KCNJ9: variants seen among roughly 807,000 people sequenced by gnomAD.
The protein encoded by KCNJ9 is G protein-activated inward rectifier potassium channel 3.
In KCNJ9, 18 loss-of-function variants were observed where a neutral mutation model predicts 27.9. The ratio of observed to expected loss-of-function variants is 0.65; its 90% confidence interval spans 0.45 to 0.96. KCNJ9 has a LOEUF of 0.96. Ranked by LOEUF, KCNJ9 falls within the 40% of genes least tolerant of loss-of-function variation. KCNJ9 has a pLI of 0.00. For missense variants in KCNJ9, 324 were observed against 557.5 expected (o/e 0.58, Z 4.22); for synonymous variants, 229 against 248.2 (o/e 0.92, Z 0.73).
rs1649881958 is a variant in KCNJ9 at position 160,090,484 on chromosome 1, A to G, written c.*2667A>G. 6.6e-6 allele frequency: 1 copy of G among 152,376 alleles called. No individual in the cohort carries two copies. Among genetic ancestry groups the G allele is most frequent in the South Asian group, 2.1e-4 (1 of 4,824 alleles). The allele number at this position is 152,376 out of a possible 1,614,324, so 9.4% of individuals were successfully genotyped here. The stretch of plus-strand genomic sequence containing the variant: ...AGCTCTATGACTCTGGGCAAATCGC[A>G]TATCTGGGCCTCAGTTTCCTCATCT... On this transcript the variant is annotated 3_prime_UTR_variant, in exon 3 of 3. Transcript: ENST00000368088.
rs1557980474 is a variant in KCNJ9 at position 160,084,195 on chromosome 1, G to A, written c.165G>A (p.Leu55=). 6.2e-7 allele frequency: 1 copy of A among 1,611,306 alleles called. No individual in the cohort carries two copies. Among genetic ancestry groups the A allele is most frequent in the Non-Finnish European group, 8.5e-7 (1 of 1,178,906 alleles). Reference sequence around the variant, plus strand: ...ACCTGTTCACCACGCTGGTGGACCTGCAGTGGCGCCTCAGCCTGTTGTTCT... The same window carrying A: ...ACCTGTTCACCACGCTGGTGGACCTACAGTGGCGCCTCAGCCTGTTGTTCT... ...LTDLFTTLVD[L]QWRLSLLFFV... The change falls in exon 2 of 3, where the codon CTG becomes CTA. Residue 55 remains leucine, a synonymous_variant. Coordinates refer to ENST00000368088, the MANE Select transcript of KCNJ9 (RefSeq NM_004983.3).
At position 160,089,094 on chromosome 1, in the gene KCNJ9, C is replaced by T. The variant is rs1347121819; in HGVS notation, c.*1277C>T. On this transcript the variant is annotated 3_prime_UTR_variant, in exon 3 of 3. Coordinates refer to ENST00000368088, the MANE Select transcript of KCNJ9 (RefSeq NM_004983.3). ...CCAAAACCATGCATTCCTAAGAAGTCCCCAGGTCATGCTGCTGTTGCTGGA... is the reference window on the plus strand; with the variant it reads ...CCAAAACCATGCATTCCTAAGAAGTTCCCAGGTCATGCTGCTGTTGCTGGA... 6.6e-6 allele frequency: 1 copy of T among 152,210 alleles called. No homozygotes were observed. The highest frequency in any genetic ancestry group is 1.5e-5 in the Non-Finnish European group (1 of 68,052). The allele number at this position is 152,210 out of a possible 1,614,324, so 9.4% of individuals were successfully genotyped here.
At chr1:160,087,395 A>G (rs1275665414) in intron 2 of KCNJ9, 91 bp from the exon 3 acceptor site, 29 of 1,455,742 alleles carry the variant, frequency 2.0e-5, no homozygotes, top group Non-Finnish European at 2.5e-5. Flanking sequence ...AAGGAATAGA[A>G]GGGAGGGTGC....
chr1:160,084,906 C>T (rs968284152), intron 2 of KCNJ9, 26 bp downstream of exon 2: 35 of 772,114 alleles, frequency 4.5e-5, no homozygotes, highest in Non-Finnish European at 6.7e-5. Flanking sequence ...GGGAGGGGAG[C>T]GGGGTTGGCA....
At position 160,084,024 on chromosome 1, in the gene KCNJ9, G is replaced by A. The variant is rs1157182422; in HGVS notation, c.-7G>A. The A allele has an allele frequency of 5.1e-6, 7 of 1,382,534 alleles. No individual in the cohort carries two copies. Among genetic ancestry groups the A allele is most frequent in the Non-Finnish European group, 6.5e-6 (7 of 1,073,400 alleles). The allele number at this position is 1,382,534 out of a possible 1,614,324, so 85.6% of individuals were successfully genotyped here. On this transcript the variant is annotated 5_prime_UTR_variant, in exon 2 of 3. Coordinates refer to ENST00000368088, the MANE Select transcript of KCNJ9 (RefSeq NM_004983.3). ...GCGCCCGCAGCGCTCGCCCTGACGC[G>A]GCCGCCATGGCGCAGGAGAACGCGG...
chr1:160,083,826 GCCCAGGGCCC>G (rs1020074648), intron 1 of KCNJ9, 81 bp from the exon 2 acceptor site: 1 of 329,038 alleles, frequency 3.0e-6, no homozygotes, highest in East Asian at 5.3e-5. Context: ...GAAGGGACTC[GCCCAGGGCCC>G]CCCAGGGCTC....
chr1:160,090,134 G>T lies in KCNJ9; in HGVS notation c.*2317G>T, dbSNP rs1475454642. On this transcript the variant is annotated 3_prime_UTR_variant, in exon 3 of 3. Coordinates refer to ENST00000368088, the MANE Select transcript of KCNJ9 (RefSeq NM_004983.3). ...GGGCCACTGGGGCCCTGTCATCAAAGATGAGATTCCTGAAGCCTGGCATTG... is the reference window on the plus strand; with the variant it reads ...GGGCCACTGGGGCCCTGTCATCAAATATGAGATTCCTGAAGCCTGGCATTG... 6.6e-6 allele frequency: 1 copy of T among 152,214 alleles called. No individual in the cohort carries two copies. The highest frequency in any genetic ancestry group is 2.4e-5 in the African/African-American group (1 of 41,444). 9.4% of individuals were successfully genotyped at this position (152,214 alleles called of 1,614,324 possible). A position where few individuals can be genotyped will look rare whatever the true frequency, so the allele number is the denominator to read the frequency against.
At chr1:160,086,296 T>C (rs1010467060) in intron 2 of KCNJ9, among the ~76,000 whole-genome samples, 2 of 152,166 alleles carry the variant, frequency 1.3e-5, no homozygotes, top group Admixed American at 1.3e-4. Flanking sequence ...GAGATGGATA[T>C]GGGTTGGGGG....
chr1:160,087,785 C>G lies in KCNJ9; in HGVS notation c.1150C>G (p.Leu384Val). Residue 384 changes from leucine (L) to valine (V), a missense_variant, in exon 3 of 3, where the codon CTG becomes GTG. Leu to Val is a conservative substitution (Grantham distance 32). Coordinates refer to ENST00000368088, the MANE Select transcript of KCNJ9 (RefSeq NM_004983.3). Reference protein sequence around the residue: ...AGADKEQNGCLPPPESESKV With the variant: ...AGADKEQNGCVPPPESESKV ...GGCTGACAAGGAGCAGAATGGCTGC[C>G]TGCCACCCCCAGAGAGTGAGTCCAA... 1 of 1,509,934 alleles carries G rather than the reference C, an allele frequency of 6.6e-7. No homozygotes were observed. Among genetic ancestry groups the G allele is most frequent in the South Asian group, 1.3e-5 (1 of 75,972 alleles). 93.5% of individuals were successfully genotyped at this position (1,509,934 alleles called of 1,614,324 possible).
chr1:160,084,899 AG>A lies in KCNJ9; in HGVS notation c.850+23del. ...GCCACGGGTGCGAGCAGGCCTGGGG[AG>A]GGGAGCGGGGTTGGCAGAGGGTGGG... On this transcript the variant is annotated intron_variant, in intron 2 of 2. Transcript: ENST00000368088. 1.0e-6 allele frequency: 1 copy of A among 1,004,914 alleles called. No homozygotes were observed. The highest frequency in any genetic ancestry group is 1.4e-6 in the Non-Finnish European group (1 of 727,830). 62.2% of individuals were successfully genotyped at this position (1,004,914 alleles called of 1,614,324 possible).
intron 2 of KCNJ9, among the ~76,000 whole-genome samples, chr1:160,085,679 G>A (rs1468347481): frequency 6.6e-6 from 1 of 152,198 alleles, no homozygotes; most frequent in Non-Finnish European, 1.5e-5. Flanking sequence ...AAGGCTTTGG[G>A]AGCAGGTGAA....
At chr1:160,086,196 G>A (rs1016182586) in intron 2 of KCNJ9, among the ~76,000 whole-genome samples, 2 of 152,082 alleles carry the variant, frequency 1.3e-5, no homozygotes, top group East Asian at 1.9e-4. Context: ...CAACTTCACC[G>A]AGGAATACCA....
At chr1:160,082,573 G>A (rs936593509) in intron 1 of KCNJ9, among the ~76,000 whole-genome samples, 1 of 152,158 alleles carries the variant, frequency 6.6e-6, no homozygotes, top group African/African-American at 2.4e-5. Flanking sequence ...TAAGATGCTG[G>A]AGTGCTAGGT....
chr1:160,084,922 TG>T, intron 2 of KCNJ9, 42 bp downstream of exon 2: 1 of 700,812 alleles, frequency 1.4e-6, no homozygotes. Context: ...TGGCAGAGGG[TG>T]GGCGGGACCG....
In KCNJ9 at chr1:160,087,588, A is replaced by G; in HGVS notation, c.953A>G (p.Asp318Gly). The change falls in exon 3 of 3, where the codon GAC (aspartate) becomes GGC (glycine). Residue 318 changes from aspartate (D) to glycine (G), a missense_variant. Physicochemically the swap from Asp to Gly is moderately conservative, Grantham distance 94 (BLOSUM62 -1). Around this residue, in one of 3 missense-constraint regions of KCNJ9, gnomAD observed 241 missense variants for 481.7 expected, o/e 0.50. Transcript: ENST00000368088. The stretch of plus-strand genomic sequence containing the variant: ...CTGGAGGACGGCTTCTACGAAGTGG[A>G]CTATGCCAGCTTTCACGAGACTTTT... ...LTLEDGFYEV[D>G]YASFHETFEV... 1 of 1,613,864 alleles carries G rather than the reference A, an allele frequency of 6.2e-7. No individual in the cohort carries two copies. Among genetic ancestry groups the G allele is most frequent in the Non-Finnish European group, 8.5e-7 (1 of 1,179,908 alleles).
chr1:160,084,991 T>C lies in KCNJ9; in HGVS notation c.850+111T>C, dbSNP rs536082041. The stretch of plus-strand genomic sequence containing the variant: ...AGCTGGGGAGGATGGATGGAGGGGC[T>C]GGTGGAGGATGAGACAGTGAGGTGA... On this transcript the variant is annotated intron_variant, in intron 2 of 2. Transcript: ENST00000368088. 5.8e-5 allele frequency: 71 copies of C among 1,217,376 alleles called. 1 individual carries two copies. In the African/African-American group the frequency reaches 8.1e-4, roughly 14 times the overall value. The allele number at this position is 1,217,376 out of a possible 1,614,324, so 75.4% of individuals were successfully genotyped here.
In KCNJ9 at chr1:160,084,434, G is replaced by T. The variant is rs1487575321; in HGVS notation, c.404G>T (p.Gly135Val). 6.2e-7 allele frequency: 1 copy of T among 1,613,606 alleles called. No individual in the cohort carries two copies. The highest frequency in any genetic ancestry group is 2.2e-5 in the East Asian group (1 of 44,872). Reference protein sequence around the residue: ...HRVITDQCPEGIVLLLLQAIL... With the variant: ...HRVITDQCPEVIVLLLLQAIL... Reference sequence around the variant, plus strand: ...GTCATCACCGACCAGTGCCCCGAGGGCATCGTGCTGCTGCTGCTGCAGGCC... The same window carrying T: ...GTCATCACCGACCAGTGCCCCGAGGTCATCGTGCTGCTGCTGCTGCAGGCC... Residue 135 changes from glycine (G) to valine (V), a missense_variant, in exon 2 of 3, where the codon GGC (glycine) becomes GTC (valine). This residue lies in a region of KCNJ9 where 241 missense variants were observed against 481.7 expected (regional missense o/e 0.50). Coordinates refer to ENST00000368088, the MANE Select transcript of KCNJ9 (RefSeq NM_004983.3).
At position 160,084,569 on chromosome 1, in the gene KCNJ9, CG is replaced by C; in HGVS notation, c.540del (p.Leu181CysfsTer20). 1 of 1,610,866 alleles carries C rather than the reference CG, an allele frequency of 6.2e-7. No homozygotes were observed. The highest frequency in any genetic ancestry group is 1.7e-5 in the Admixed American group (1 of 59,786). ...GTCTTCTCCTCGCACGCCGTGGTGTCGCTGCGCGACGGGCGCCTCTGCCTCA... is the reference window on the plus strand; with the variant it reads ...GTCTTCTCCTCGCACGCCGTGGTGTCCTGCGCGACGGGCGCCTCTGCCTCA... ...TLVFSSHAVV[S>X]LRDGRLCLMF... On this transcript the variant is annotated frameshift_variant, in exon 2 of 3. Coordinates refer to ENST00000368088, the MANE Select transcript of KCNJ9 (RefSeq NM_004983.3). LOFTEE classifies it high-confidence loss of function.
rs138491089 is a variant in KCNJ9, at chr1:160,087,604, C to T, written c.969C>T (p.His323=). 317 of 1,613,808 alleles carry T rather than the reference C, an allele frequency of 2.0e-4. 3 individuals are homozygous for T. The East Asian group carries it at 5.9e-3, about 30-fold the overall frequency. Residue 323 remains histidine, a synonymous_variant, in exon 3 of 3, where the codon CAC becomes CAT. Coordinates refer to ENST00000368088, the MANE Select transcript of KCNJ9 (RefSeq NM_004983.3). ...ACGAAGTGGACTATGCCAGCTTTCA[C>T]GAGACTTTTGAGGTGCCCACACCTT... ...GFYEVDYASF[H]ETFEVPTPSC... is the part of the protein sequence containing the mutation.
Sources: gnomAD v4.1 joint callset for allele counts (sites outside exome capture counted in the v4.1 genomes callset) on GRCh38, gnomAD v4.1.1 for gene constraint, gnomAD v4.1.1 regional missense constraint, MANE v1.5 for transcripts, NCBI Gene and HGNC (gene_info 2026-07-23, HGNC 2026-07-21) for gene names.